The following ASCC3 variants were observed in gnomAD, a reference collection of about 807,000 sequenced individuals.
ASCC3 encodes the protein activating signal cointegrator 1 complex subunit 3.
A neutral mutation model predicts 256.3 loss-of-function variants in ASCC3; 158 were observed. The ratio of observed to expected loss-of-function variants is 0.62; its 90% CI spans 0.54 to 0.70. The LOEUF (loss-of-function observed/expected upper bound fraction) is 0.70. ASCC3 is among the 30% of genes least tolerant of loss of function. The probability of loss-of-function intolerance (pLI) is 0.00; values close to 1 mark genes in which losing one functional copy is unlikely to be tolerated. For missense variants in ASCC3, 2,259 were observed against 2,626.0 expected (o/e 0.86, Z 3.05); for synonymous variants, 948 against 883.4 (o/e 1.07, Z -1.30).
At chr6:100,520,859 A>G (rs145013625) in intron 37 of ASCC3, among the ~76,000 whole-genome samples, 10 of 152,180 alleles carry the variant, frequency 6.6e-5, no homozygotes, top group Admixed American at 1.3e-4. Flanking sequence ...TCAGAACTCA[A>G]CTCTGTTATG....
chr6:100,586,323 A>T (rs1393851355), intron 36 of ASCC3, among the ~76,000 whole-genome samples: 1 of 152,108 alleles, frequency 6.6e-6, no homozygotes, highest in Non-Finnish European at 1.5e-5. Context: ...GCCGCCTTGC[A>T]GTTTGACCTC....
At chr6:100,746,959 C>T (rs999324497) in intron 10 of ASCC3, among the ~76,000 whole-genome samples, 1 of 151,956 alleles carries the variant, frequency 6.6e-6, no homozygotes, top group Non-Finnish European at 1.5e-5. Flanking sequence ...CTGTTACAAA[C>T]GTCAAAAGGC....
At chr6:100,576,920 A>G (rs77444179) in intron 36 of ASCC3, among the ~76,000 whole-genome samples, 1 of 151,956 alleles carries the variant, frequency 6.6e-6, no homozygotes, top group Admixed American at 6.6e-5. Flanking sequence ...GAAAAAAAAA[A>G]TGAGTGGAAG....
intron 4 of ASCC3, among the ~76,000 whole-genome samples, chr6:100,846,438 T>C (rs559981694): frequency 2.8e-4 from 43 of 152,268 alleles, no homozygotes; most frequent in African/African-American, 9.4e-4. Flanking sequence ...CTCAAGCCAC[T>C]GACAGGATGT....
At chr6:100,707,339 T>G (rs932694140) in intron 13 of ASCC3, among the ~76,000 whole-genome samples, 5 of 152,114 alleles carry the variant, frequency 3.3e-5, no homozygotes, top group Non-Finnish European at 7.4e-5. Flanking sequence ...TTCTGTCATA[T>G]TTTTGAATGA....
At chr6:100,658,784 G>A (rs772933312) in intron 16 of ASCC3, among the ~76,000 whole-genome samples, 5 of 151,596 alleles carry the variant, frequency 3.3e-5, no homozygotes, top group African/African-American at 9.7e-5. Flanking sequence ...CAAGGACAAG[G>A]TGTTTACCTG....
At chr6:100,529,588 A>G in intron 37 of ASCC3, among the ~76,000 whole-genome samples, 1 of 152,182 alleles carries the variant, frequency 6.6e-6, no homozygotes, top group South Asian at 2.1e-4. Context: ...ACAGGGATTA[A>G]AAATATTATT....
At chr6:100,528,473 A>AT (rs1267545809) in intron 37 of ASCC3, among the ~76,000 whole-genome samples, 1 of 152,206 alleles carries the variant, frequency 6.6e-6, no homozygotes, top group Admixed American at 6.5e-5. Context: ...ATGACAATTG[A>AT]TAAAGCCTAC....
intron 36 of ASCC3, among the ~76,000 whole-genome samples, chr6:100,577,710 A>G (rs1307017456): frequency 1.3e-5 from 2 of 151,892 alleles, no homozygotes; most frequent in East Asian, 3.9e-4. Flanking sequence ...CCCATAATTT[A>G]TCTGTGTGTG....
rs1562341038 is a variant in ASCC3 at position 100,848,471 on chromosome 6, T to C, written c.478A>G (p.Arg160Gly). 1 of 1,612,812 alleles carries C rather than the reference T, an allele frequency of 6.2e-7. No homozygotes were observed. Among genetic ancestry groups the C allele is most frequent in the Middle Eastern group, 1.7e-4 (1 of 6,054 alleles). The change falls in exon 4 of 42, where the codon AGG becomes GGG. Residue 160 changes from arginine to glycine, a missense_variant. Arg to Gly is a moderately radical substitution (Grantham distance 125). Transcript: ENST00000369162. ...VQMTEKEHGD[R>G]VFFGKNLAFS... ...GCTAAATTTTTACCAAAAAAAACCC[T>C]ATCGCCATGTTCTTTTTCTGTCATC... is the stretch of plus-strand genomic sequence containing the variant.
At chr6:100,680,070 G>A (rs1486071992) in intron 13 of ASCC3, among the ~76,000 whole-genome samples, 1 of 152,142 alleles carries the variant, frequency 6.6e-6, no homozygotes, top group African/African-American at 2.4e-5. Context: ...AATATTGAGA[G>A]CTTTCTCATT....
intron 1 of ASCC3, among the ~76,000 whole-genome samples, chr6:100,869,616 T>C (rs1339803855): frequency 1.3e-5 from 2 of 152,122 alleles, no homozygotes; most frequent in East Asian, 1.9e-4. Context: ...AAATAACCCA[T>C]GCATGCTGTC....
At chr6:100,727,945 A>C (rs1779717921) in intron 10 of ASCC3, among the ~76,000 whole-genome samples, 1 of 152,096 alleles carries the variant, frequency 6.6e-6, no homozygotes, top group Admixed American at 6.6e-5. Context: ...TATCTCTTCT[A>C]TTTGGCTGTA....
At chr6:100,588,484 A>G (rs1425992436) in intron 36 of ASCC3, among the ~76,000 whole-genome samples, 1 of 152,136 alleles carries the variant, frequency 6.6e-6, no homozygotes, top group Non-Finnish European at 1.5e-5. Context: ...TTAAGGATCT[A>G]AAAAATTCTT....
At chr6:100,557,411 T>C (rs1231371675) in intron 36 of ASCC3, among the ~76,000 whole-genome samples, 2 of 152,192 alleles carry the variant, frequency 1.3e-5, no homozygotes, top group Non-Finnish European at 2.9e-5. Flanking sequence ...TTTTGCTGCA[T>C]GGATTTGGGA....
At chr6:100,790,824 T>C (rs76621116) in intron 8 of ASCC3, among the ~76,000 whole-genome samples, 2,206 of 152,044 alleles carry the variant, frequency 0.015, 45 homozygotes, top group African/African-American at 0.051. Flanking sequence ...TTATAACTTT[T>C]TCTGTAGTTT....
rs1034553542 is a variant in ASCC3 at position 100,684,892 on chromosome 6, C to T, written c.2152-5140G>A. Among the ~76,000 whole-genome samples the T allele has an allele frequency of 4.0e-5, 6 of 150,834 alleles. No homozygotes were observed. The South Asian group carries it at 6.3e-4, about 16-fold the overall frequency. ...CGCGATCTCGGCTCACTGCAAACTC[C>T]GCCTCCCGGGTTGACACCATTCTCC... On this transcript the variant is annotated intron_variant, in intron 13 of 41. Transcript: ENST00000369162.
At chr6:100,559,167 G>C (rs1308749876) in intron 36 of ASCC3, among the ~76,000 whole-genome samples, 1 of 152,086 alleles carries the variant, frequency 6.6e-6, no homozygotes, top group East Asian at 1.9e-4. Flanking sequence ...CATTTCAATA[G>C]GGCATTCACT....
Position 100,646,612 on chromosome 6 carries a change from T to C in ASCC3, c.3633+3A>G, listed in dbSNP as rs1006006401. On this transcript the variant is annotated splice_donor_region_variant and intron_variant, in intron 22 of 41. Transcript: ENST00000369162. ...CACAGATATAGCCGTTTTCCACTTC[T>C]ACCTGATCATTCCAAGTGAAATCAG... is the stretch of plus-strand genomic sequence containing the variant. 1 of 1,614,114 alleles carries C rather than the reference T, an allele frequency of 6.2e-7. No individual in the cohort carries two copies. Among genetic ancestry groups the C allele is most frequent in the South Asian group, 1.1e-5 (1 of 91,088 alleles).
Sources: gnomAD v4.1 joint callset for allele counts (sites outside exome capture counted in the v4.1 genomes callset) on GRCh38, gnomAD v4.1.1 for gene constraint, MANE v1.5 for transcripts, NCBI Gene and HGNC (gene_info 2026-07-23, HGNC 2026-07-21) for gene names.